The following IARS1 variants were observed in gnomAD, a reference collection of about 807,000 sequenced individuals.
IARS1 encodes the protein isoleucyl-tRNA synthetase 1, also known as isoleucine--tRNA ligase, cytoplasmic.
In IARS1, 124 loss-of-function variants were observed where a neutral mutation model predicts 168.2. The ratio of observed to expected loss-of-function variants is 0.74; its 90% confidence interval spans 0.64 to 0.86. The LOEUF (loss-of-function observed/expected upper bound fraction) is 0.86, where lower values mean the gene tolerates loss of function less well. Among genes scored for constraint, IARS1 ranks in the 40% least tolerant of loss-of-function variants. The pLI, the probability that IARS1 is intolerant of heterozygous loss-of-function variation, is 0.00. For missense variants in IARS1, 1,452 were observed against 1,515.8 expected, an observed-to-expected ratio of 0.96 and a Z score of 0.70; for synonymous variants, 532 against 529.4, an observed-to-expected ratio of 1.00 and a Z score of -0.07.
chr9:92,216,067 A>T (rs1246530940), intron 33 of IARS1, among the ~76,000 whole-genome samples: 4 of 151,780 alleles, frequency 2.6e-5, no homozygotes, highest in African/African-American at 7.3e-5. Flanking sequence ...GACTAACAGC[A>T]GATCTCTCGG....
chr9:92,280,504 T>C (rs149768572), intron 7 of IARS1, among the ~76,000 whole-genome samples: 253 of 152,346 alleles, frequency 1.7e-3, no homozygotes, highest in Non-Finnish European at 2.5e-3. Flanking sequence ...AAAAATGTAC[T>C]ATAAACTGGA....
intron 29 of IARS1, among the ~76,000 whole-genome samples, chr9:92,241,639 G>A (rs1481762718): frequency 1.3e-5 from 2 of 152,154 alleles, no homozygotes; most frequent in African/African-American, 4.8e-5. Context: ...ACTGTGCCCA[G>A]TCTAAATGAT....
chr9:92,266,644 G>C (rs1270107888), intron 14 of IARS1, among the ~76,000 whole-genome samples: 1 of 152,206 alleles, frequency 6.6e-6, no homozygotes, highest in African/African-American at 2.4e-5. Context: ...CTCGTGAAGA[G>C]ACCAATGCTC....
At chr9:92,256,183 CTTT>C (rs773558436) in intron 20 of IARS1, among the ~76,000 whole-genome samples, 1 of 138,274 alleles carries the variant, frequency 7.2e-6, no homozygotes, top group African/African-American at 2.6e-5. Flanking sequence ...TTCCCCAGGG[CTTT>C]TTTTTTTTTT....
intron 17 of IARS1, among the ~76,000 whole-genome samples, chr9:92,260,575 A>C (rs558925547): frequency 2.0e-5 from 3 of 152,310 alleles, no homozygotes; most frequent in African/African-American, 7.2e-5. Flanking sequence ...GAATTGCCTG[A>C]ACCTGAGAGG....
At chr9:92,276,197 A>G (rs189649301) in intron 9 of IARS1, among the ~76,000 whole-genome samples, 22 of 152,398 alleles carry the variant, frequency 1.4e-4, no homozygotes, top group South Asian at 6.2e-4. Flanking sequence ...GAAAACTTTC[A>G]GAGGACATCT....
chr9:92,237,480 C>T (rs1032281283), intron 30 of IARS1, among the ~76,000 whole-genome samples: 3 of 152,092 alleles, frequency 2.0e-5, no homozygotes, highest in African/African-American at 4.8e-5. Context: ...TGTGAGAGCT[C>T]AAAAATAATT....
rs1215274510 is a variant in IARS1 at position 92,217,034 on chromosome 9, C to T, written c.3706+5486G>A. On this transcript the variant is annotated intron_variant, in intron 33 of 33. Coordinates refer to ENST00000443024, the MANE Select transcript of IARS1 (RefSeq NM_002161.6). ...CCACATACTTGGAAGTAAAGCTCTC[C>T]TCAGCAAATGTAAAAGAACAGAAAT... 4.7e-5 allele frequency among the ~76,000 whole-genome samples: 7 copies of T among 149,004 alleles called. No homozygotes were observed. The East Asian group carries it at 1.4e-3, about 30-fold the overall frequency.
Position 92,228,920 on chromosome 9 carries a change from T to G in IARS1, c.3409+81A>C, listed in dbSNP as rs76631712. 1.7e-5 allele frequency: 26 copies of G among 1,521,746 alleles called. No homozygotes were observed. In the Admixed American group the frequency reaches 4.6e-4, roughly 27 times the overall value. 94.3% of individuals were successfully genotyped at this position (1,521,746 alleles called of 1,614,324 possible). On this transcript the variant is annotated intron_variant, in intron 31 of 33. Coordinates refer to ENST00000443024, the MANE Select transcript of IARS1 (RefSeq NM_002161.6). Reference sequence around the variant, plus strand: ...AGTTAGGAAAAATGCAAAAGTTGTATAGTACAACTGACAGCAAATTAAGAC... The same window carrying G: ...AGTTAGGAAAAATGCAAAAGTTGTAGAGTACAACTGACAGCAAATTAAGAC...
At chr9:92,250,599 C>T (rs1002806206) in intron 23 of IARS1, 114 bp downstream of exon 23, 178 of 1,203,292 alleles carry the variant, frequency 1.5e-4, no homozygotes, top group Admixed American at 1.3e-3. Context: ...TCAGCTGGGG[C>T]GGGAGGCAAG....
At position 92,252,822 on chromosome 9, in the gene IARS1, C is replaced by G. The variant is rs959169647; in HGVS notation, c.2229+540G>C. ...AGACATGACTAATGGGTAGTGGGAG[C>G]CTTCATTGGGCCTGCAGTAAAGAGA... On this transcript the variant is annotated intron_variant, in intron 21 of 33. Transcript: ENST00000443024. Among the ~76,000 whole-genome samples, 5 of 128,408 alleles carry G rather than the reference C, an allele frequency of 3.9e-5. No homozygotes were observed. In the Admixed American group the frequency reaches 4.1e-4, roughly 11 times the overall value. The allele number at this position is 128,408 out of a possible 152,430, so 84.2% of individuals were successfully genotyped here. A position where few individuals can be genotyped will look rare whatever the true frequency, so the allele number is the denominator to read the frequency against.
chr9:92,236,195 G>C (rs1483556565), intron 30 of IARS1, among the ~76,000 whole-genome samples: 1 of 151,954 alleles, frequency 6.6e-6, no homozygotes, highest in Non-Finnish European at 1.5e-5. Context: ...TGTTGGCCAG[G>C]CTGGTCTCCA....
chr9:92,229,364 C>CAA (rs1564160278), intron 30 of IARS1, among the ~76,000 whole-genome samples: 1 of 129,784 alleles, frequency 7.7e-6, no homozygotes, highest in African/African-American at 2.6e-5. Context: ...ACACTACACA[C>CAA]ACACACACAC....
Position 92,235,294 on chromosome 9 carries a change from G to A in IARS1, c.3283+5562C>T, listed in dbSNP as rs117279886. 1.9e-3 allele frequency among the ~76,000 whole-genome samples: 295 copies of A among 152,228 alleles called. 2 individuals are homozygous for A. The highest frequency in any genetic ancestry group is 3.5e-3 in the Non-Finnish European group (238 of 68,000). On this transcript the variant is annotated intron_variant, in intron 30 of 33. Transcript: ENST00000443024. Reference sequence around the variant, plus strand: ...TATGAGTTGTGATTGCCTTGTTCCTGATTTTAGGTAGAAAGAATTCAGGCT... The same window carrying A: ...TATGAGTTGTGATTGCCTTGTTCCTAATTTTAGGTAGAAAGAATTCAGGCT...
At chr9:92,292,985 AATC>A (rs1016028134) in intron 1 of IARS1, among the ~76,000 whole-genome samples, 15 of 152,152 alleles carry the variant, frequency 9.9e-5, no homozygotes, top group Non-Finnish European at 1.9e-4. Flanking sequence ...ACAACCAATT[AATC>A]ATCAAGTCAT....
intron 33 of IARS1, among the ~76,000 whole-genome samples, chr9:92,219,559 A>C (rs961533667): frequency 3.3e-5 from 5 of 151,556 alleles, no homozygotes; most frequent in Non-Finnish European, 5.9e-5. Context: ...AATGAACTCA[A>C]ACAAATTTAC....
chr9:92,243,080 T>C, intron 28 of IARS1, 136 bp downstream of exon 28: 1 of 628,178 alleles, frequency 1.6e-6, no homozygotes, highest in Non-Finnish European at 2.9e-6. Context: ...CAGAATACAT[T>C]CCAAATGGAC....
chr9:92,237,999 G>A (rs915178434), intron 30 of IARS1, among the ~76,000 whole-genome samples: 3 of 151,992 alleles, frequency 2.0e-5, no homozygotes, highest in Admixed American at 6.6e-5. Flanking sequence ...TCCGCCTCCC[G>A]GGTTCAAGCG....
intron 9 of IARS1, 73 bp downstream of exon 9, chr9:92,277,790 A>ACT: frequency 7.9e-7 from 1 of 1,267,542 alleles, no homozygotes; most frequent in Non-Finnish European, 1.1e-6. Context: ...TGTCAATTCC[A>ACT]CTTCTCACAA....
Sources: gnomAD v4.1 joint callset for allele counts (sites outside exome capture counted in the v4.1 genomes callset) on GRCh38, gnomAD v4.1.1 for gene constraint, MANE v1.5 for transcripts, NCBI Gene and HGNC (gene_info 2026-07-23, HGNC 2026-07-21) for gene names.